The following PAQR5 variants were observed in gnomAD, a reference collection of about 807,000 sequenced individuals.
The protein encoded by PAQR5 is progestin and adipoQ receptor family member 5.
A neutral mutation model predicts 34.5 loss-of-function variants in PAQR5; 20 were observed. The observed-to-expected ratio is 0.58, with a 90% CI of 0.41 to 0.84. The LOEUF (loss-of-function observed/expected upper bound fraction) is 0.84, where lower values mean the gene tolerates loss of function less well. Among genes scored for constraint, PAQR5 ranks in the 40% least tolerant of loss-of-function variants. The pLI, the probability that PAQR5 is intolerant of heterozygous loss-of-function variation, is 0.00. For synonymous variants in PAQR5, 131 were observed against 155.6 expected, an observed-to-expected ratio of 0.84 and a Z score of 1.18; for missense variants, 378 against 412.7, an observed-to-expected ratio of 0.92 and a Z score of 0.73.
rs116523042 is a variant in PAQR5, at chr15:69,309,627, C to T, written c.-277+10571C>T. Among the ~76,000 whole-genome samples, 943 of 152,266 alleles carry T rather than the reference C, an allele frequency of 6.2e-3. 11 individuals are homozygous for T. The highest frequency in any genetic ancestry group is 0.012 in the African/African-American group (506 of 41,544). Reference sequence around the variant, plus strand: ...CTCAGAGGCAATGTTACCAGTTCCACGCATGTGTTAGAAAAGACGTATACA... The same window carrying T: ...CTCAGAGGCAATGTTACCAGTTCCATGCATGTGTTAGAAAAGACGTATACA... On this transcript the variant is annotated intron_variant, in intron 1 of 8. Transcript: ENST00000395407.
intron 3 of PAQR5, chr15:69,379,384 T>C: frequency 2.0e-6 from 2 of 978,476 alleles, no homozygotes; most frequent in Non-Finnish European, 2.4e-6. Flanking sequence ...ATCAGCATCG[T>C]GGTCCTCATC....
At chr15:69,340,760 G>A (rs796353843) in intron 2 of PAQR5, among the ~76,000 whole-genome samples, 3 of 152,256 alleles carry the variant, frequency 2.0e-5, no homozygotes, top group African/African-American at 7.2e-5. Flanking sequence ...GGCCCTCACT[G>A]AGTGACCTCA....
intron 2 of PAQR5, among the ~76,000 whole-genome samples, chr15:69,352,104 C>G (rs2054934438): frequency 6.6e-6 from 1 of 152,200 alleles, no homozygotes; most frequent in Non-Finnish European, 1.5e-5. Context: ...CTTGATGTGT[C>G]AGTGGCAGAT....
intron 1 of PAQR5, among the ~76,000 whole-genome samples, chr15:69,330,550 C>T (rs12439701): frequency 0.041 from 6,272 of 152,178 alleles, 280 homozygotes; most frequent in East Asian, 0.15. Context: ...GCAGGCACCA[C>T]CCAGATCAAT....
chr15:69,380,341 G>GGAA lies in PAQR5; in HGVS notation c.179+332_179+333insAAG, dbSNP rs1323056518. 10 of 241,986 alleles carry GGAA rather than the reference G, an allele frequency of 4.1e-5. No homozygotes were observed. In the Admixed American group the frequency reaches 5.1e-4, roughly 12 times the overall value. The allele number at this position is 241,986 out of a possible 1,614,324, so 15.0% of individuals were successfully genotyped here. ...ACTTTCCAGGTCTTCCAGGAGCCCT[G>GGAA]GTTAAAATGTCACTAGTTTGAGCAA... is the stretch of plus-strand genomic sequence containing the variant. On this transcript the variant is annotated intron_variant, in intron 4 of 8. Transcript: ENST00000395407.
At chr15:69,402,303 C>T (rs1274645325) in intron 8 of PAQR5, among the ~76,000 whole-genome samples, 3 of 151,926 alleles carry the variant, frequency 2.0e-5, no homozygotes, top group East Asian at 3.9e-4. Flanking sequence ...ATGTCTGTGT[C>T]CTAATCTCCT....
At chr15:69,319,964 G>A (rs1402078746) in intron 1 of PAQR5, among the ~76,000 whole-genome samples, 1 of 152,222 alleles carries the variant, frequency 6.6e-6, no homozygotes, top group Admixed American at 6.5e-5. Flanking sequence ...GGCTTCCACA[G>A]GCTGGCAGCT....
chr15:69,305,726 G>A (rs2053700645), intron 1 of PAQR5, among the ~76,000 whole-genome samples: 1 of 54 alleles, frequency 0.019, no homozygotes, highest in Non-Finnish European at 0.033. Flanking sequence ...GAGAGAGGGT[G>A]GAGTGTGGGT....
At chr15:69,331,502 T>A (rs2140669955) in intron 1 of PAQR5, among the ~76,000 whole-genome samples, 1 of 152,270 alleles carries the variant, frequency 6.6e-6, no homozygotes, top group Non-Finnish European at 1.5e-5. Context: ...TGTGTCTGTG[T>A]ATGTGGAAGG....
intron 2 of PAQR5, among the ~76,000 whole-genome samples, chr15:69,345,167 GAA>G (rs2054737739): frequency 6.6e-6 from 1 of 151,682 alleles, no homozygotes; most frequent in Admixed American, 6.6e-5. Context: ...AAGAAAGAAA[GAA>G]AGAGAAGGAA....
At chr15:69,398,506 G>A (rs530775104) in intron 7 of PAQR5, among the ~76,000 whole-genome samples, 2 of 152,278 alleles carry the variant, frequency 1.3e-5, no homozygotes, top group South Asian at 4.1e-4. Flanking sequence ...CCAGTACCCG[G>A]TGAGTGAAGC....
Position 69,392,032 on chromosome 15 carries a change from G to C in PAQR5, c.512+2252G>C, listed in dbSNP as rs758613174. ...AGAGCATGCCACTGTACTCCAGCCC[G>C]GGCAGTGGAGCCAAGAAAAAAAAGA... On this transcript the variant is annotated intron_variant, in intron 6 of 8. Coordinates refer to ENST00000395407, the MANE Select transcript of PAQR5 (RefSeq NM_017705.4). 2.7e-5 allele frequency: 9 copies of C among 327,576 alleles called. 1 individual carries two copies. Among genetic ancestry groups the C allele is most frequent in the South Asian group, 1.9e-4 (8 of 41,450 alleles). 20.3% of individuals were successfully genotyped at this position (327,576 alleles called of 1,614,324 possible).
intron 1 of PAQR5, among the ~76,000 whole-genome samples, chr15:69,335,654 A>G (rs2054499782): frequency 7.1e-6 from 1 of 140,816 alleles, no homozygotes; most frequent in South Asian, 2.2e-4. Flanking sequence ...GGTTCAAGCC[A>G]TTCTCCTTAC....
At chr15:69,323,843 T>TAGAC (rs1286936712) in intron 1 of PAQR5, among the ~76,000 whole-genome samples, 1 of 152,144 alleles carries the variant, frequency 6.6e-6, no homozygotes, top group Non-Finnish European at 1.5e-5. Context: ...CCATTTTATA[T>TAGAC]AGACAGTATT....
At position 69,312,845 on chromosome 15, in the gene PAQR5, C is replaced by CT. The variant is rs571160627; in HGVS notation, c.-277+13795dup. ...CACACTGCCTCAAATCACAGAGACTCTTTTTTGGGGGTGGGGATTTGCCTG... is the reference window on the plus strand; with the variant it reads ...CACACTGCCTCAAATCACAGAGACTCTTTTTTTGGGGGTGGGGATTTGCCTG... On this transcript the variant is annotated intron_variant, in intron 1 of 8. Transcript: ENST00000395407. Among the ~76,000 whole-genome samples, 3 of 152,208 alleles carry CT rather than the reference C, an allele frequency of 2.0e-5. No homozygotes were observed. The South Asian group carries it at 6.2e-4, about 32-fold the overall frequency.
intron 2 of PAQR5, among the ~76,000 whole-genome samples, chr15:69,354,050 T>G (rs2054994482): frequency 6.6e-6 from 1 of 152,178 alleles, no homozygotes; most frequent in Non-Finnish European, 1.5e-5. Context: ...TGGGCCTCTC[T>G]TAGAATTATC....
At chr15:69,396,361 A>G (rs2056433260) in intron 6 of PAQR5, among the ~76,000 whole-genome samples, 1 of 151,964 alleles carries the variant, frequency 6.6e-6, no homozygotes, top group South Asian at 2.1e-4. Context: ...CACAGACCCC[A>G]TCCCTCCAGT....
chr15:69,351,598 G>T (rs4516179), intron 2 of PAQR5, among the ~76,000 whole-genome samples: 12,125 of 152,198 alleles, frequency 0.08, 1,147 homozygotes, highest in African/African-American at 0.22. Flanking sequence ...GCCCTTTGTC[G>T]CGATTTAGTT....
chr15:69,317,101 G>C (rs984279899), intron 1 of PAQR5, among the ~76,000 whole-genome samples: 1 of 152,230 alleles, frequency 6.6e-6, no homozygotes, highest in African/African-American at 2.4e-5. Context: ...TTACAGGCGT[G>C]AGCCACTGCA....
Sources: allele counts gnomAD v4.1 joint callset (sites outside exome capture counted in the v4.1 genomes callset), GRCh38; gene constraint gnomAD v4.1.1; transcripts MANE v1.5; gene names NCBI Gene and HGNC (gene_info 2026-07-23, HGNC 2026-07-21).